Variants in SCN2A observed in about 807,000 individuals in gnomAD.
The protein encoded by SCN2A is sodium channel protein type 2 subunit alpha.
SCN2A carries 20 observed loss-of-function variants against 188.7 expected under a neutral mutation model. The observed-to-expected ratio is 0.11, with a 90% CI of 0.07 to 0.15. The LOEUF is 0.15. Among genes scored for constraint, SCN2A ranks in the 10% least tolerant of loss-of-function variants. The probability of loss-of-function intolerance (pLI) is 1.00; values close to 1 mark genes in which losing one functional copy is unlikely to be tolerated. For missense variants in SCN2A, 1,278 were observed against 2,445.0 expected (o/e 0.52, Z 10.07); for synonymous variants, 804 against 833.1 (o/e 0.97, Z 0.60).
intron 1 of SCN2A, among the ~76,000 whole-genome samples, chr2:165,253,859 T>A (rs1694201140): frequency 6.6e-6 from 1 of 152,046 alleles, no homozygotes; most frequent in Non-Finnish European, 1.5e-5. Flanking sequence ...GTACATAATT[T>A]TGTCTGAAAA....
intron 3 of SCN2A, among the ~76,000 whole-genome samples, chr2:165,300,580 G>A (rs896333935): frequency 6.6e-6 from 1 of 152,126 alleles, no homozygotes; most frequent in African/African-American, 2.4e-5. Flanking sequence ...GGGAATCTAG[G>A]GATAAAGTCA....
At chr2:165,370,404 A>G (rs1700964688) in intron 20 of SCN2A, 105 bp downstream of exon 20, 1 of 1,124,168 alleles carries the variant, frequency 8.9e-7, no homozygotes, top group African/African-American at 1.5e-5. Flanking sequence ...TATCAGCCCA[A>G]ATATAAATTA....
At chr2:165,320,112 C>A (rs2105269907) in intron 11 of SCN2A, 1 of 152,338 alleles carries the variant, frequency 6.6e-6, no homozygotes, top group Non-Finnish European at 1.5e-5. Flanking sequence ...CTAAATACAG[C>A]CATTCCAAAT....
chr2:165,311,453 A>G (rs186611280), intron 7 of SCN2A, among the ~76,000 whole-genome samples: 43 of 152,218 alleles, frequency 2.8e-4, no homozygotes, highest in African/African-American at 9.6e-4. Context: ...CAAAGAAACA[A>G]GTTTATTTTC....
In SCN2A at chr2:165,287,538, G is replaced by A. The variant is rs74741687; in HGVS notation, c.-51-8235G>A. On this transcript the variant is annotated intron_variant, in intron 1 of 26. Coordinates refer to ENST00000375437, the MANE Select transcript of SCN2A (RefSeq NM_001040142.2). ...TGTTTTTTTTTTTTAAGCCATTAGG[G>A]GACTGTCTTTACCTGGTGCTGGCTA... is the stretch of plus-strand genomic sequence containing the variant. 4.3e-3 allele frequency among the ~76,000 whole-genome samples: 657 copies of A among 151,716 alleles called. 8 individuals are homozygous for A. In the East Asian group the frequency reaches 0.059, roughly 14 times the overall value.
chr2:165,342,799 C>A (rs1344630473), intron 15 of SCN2A, among the ~76,000 whole-genome samples: 1 of 152,166 alleles, frequency 6.6e-6, no homozygotes, highest in African/African-American at 2.4e-5. Context: ...TAACTGCGTA[C>A]AAAGCTTCCT....
At position 165,354,605 on chromosome 2, in the gene SCN2A, A is replaced by G; in HGVS notation, c.3333A>G (p.Glu1111=). The change falls in exon 17 of 27, where the codon GAA becomes GAG. Residue 1111 remains glutamate (E), a synonymous_variant. Coordinates refer to ENST00000375437, the MANE Select transcript of SCN2A (RefSeq NM_001040142.2). ...TGACAGTACCAATTGCTGTTGGAGAATCTGACTTTGAAAATTTAAATACTG... is the reference window on the plus strand; with the variant it reads ...TGACAGTACCAATTGCTGTTGGAGAGTCTGACTTTGAAAATTTAAATACTG... ...LTVTVPIAVG[E]SDFENLNTEE... is the part of the protein sequence containing the mutation. 6.2e-7 allele frequency: 1 copy of G among 1,614,086 alleles called. No homozygotes were observed. The highest frequency in any genetic ancestry group is 1.1e-5 in the South Asian group (1 of 91,086).
At chr2:165,256,147 A>T (rs1694314867) in intron 1 of SCN2A, among the ~76,000 whole-genome samples, 1 of 151,802 alleles carries the variant, frequency 6.6e-6, no homozygotes, top group South Asian at 2.1e-4. Flanking sequence ...CTGGGACTAC[A>T]GGCACCTGCC....
chr2:165,342,606 C>T (rs1699374488), intron 15 of SCN2A, 137 bp downstream of exon 15: 2 of 886,060 alleles, frequency 2.3e-6, no homozygotes, highest in East Asian at 2.6e-5. Context: ...ATTGCCATAC[C>T]ACCAAATGGT....
At position 165,326,978 on chromosome 2, in the gene SCN2A, A is replaced by G. The variant is rs1490648646; in HGVS notation, c.2143A>G (p.Met715Val). ...MSIASILTNT[M>V]EELEESRQKC... ...TATAGCCAGTATTTTGACCAACACC[A>G]TGGAAGGTATGTTAAAAGTCCTGCG... is the stretch of plus-strand genomic sequence containing the variant. Residue 715 changes from methionine to valine, a missense_variant, in exon 13 of 27, where the codon ATG becomes GTG. Physicochemically the swap from Met to Val is conservative, Grantham distance 21. Transcript: ENST00000375437. 3 of 1,613,812 alleles carry G rather than the reference A, an allele frequency of 1.9e-6. No homozygotes were observed. Among genetic ancestry groups the G allele is most frequent in the African/African-American group, 1.3e-5 (1 of 74,924 alleles).
At chr2:165,352,493 T>C (rs1400981910) in intron 16 of SCN2A, among the ~76,000 whole-genome samples, 11 of 152,312 alleles carry the variant, frequency 7.2e-5, no homozygotes, top group African/African-American at 2.2e-4. Flanking sequence ...ATCCTTTTTA[T>C]TGAAGTTTTA....
At chr2:165,302,911 T>G (rs998308262) in intron 3 of SCN2A, among the ~76,000 whole-genome samples, 2 of 152,210 alleles carry the variant, frequency 1.3e-5, no homozygotes, top group Non-Finnish European at 2.9e-5. Context: ...ACTCGCAGGT[T>G]AGTATCAATC....
intron 1 of SCN2A, among the ~76,000 whole-genome samples, chr2:165,256,404 A>G (rs1253192735): frequency 3.3e-5 from 5 of 152,132 alleles, no homozygotes; most frequent in Non-Finnish European, 7.3e-5. Context: ...ATTCGTTGCA[A>G]CAACTGTGGT....
At chr2:165,274,281 T>C (rs908969816) in intron 1 of SCN2A, 1 of 150,968 alleles carries the variant, frequency 6.6e-6, no homozygotes, top group Non-Finnish European at 1.5e-5. Flanking sequence ...TTACTCCCAA[T>C]AATCTGAATT....
intron 1 of SCN2A, among the ~76,000 whole-genome samples, chr2:165,252,789 G>A (rs372525328): frequency 2.9e-4 from 44 of 151,960 alleles, no homozygotes; most frequent in East Asian, 1.5e-3. Flanking sequence ...GGGATTTAAG[G>A]GTGGTATGAT....
intron 1 of SCN2A, among the ~76,000 whole-genome samples, chr2:165,284,048 T>G (rs950603470): frequency 5.4e-5 from 8 of 148,954 alleles, no homozygotes; most frequent in Non-Finnish European, 1.0e-4. Flanking sequence ...TCTAGTTCTC[T>G]CTCTCTCTCT....
At chr2:165,274,716 C>T (rs1695258316) in intron 1 of SCN2A, among the ~76,000 whole-genome samples, 1 of 152,156 alleles carries the variant, frequency 6.6e-6, no homozygotes, top group African/African-American at 2.4e-5. Context: ...CAGTATTTTG[C>T]CTTGTCCACT....
At position 165,313,929 on chromosome 2, in the gene SCN2A, A is replaced by T; in HGVS notation, c.1204A>T (p.Met402Leu). 1 of 1,613,862 alleles carries T rather than the reference A, an allele frequency of 6.2e-7. No individual in the cohort carries two copies. Among genetic ancestry groups the T allele is most frequent in the South Asian group, 1.1e-5 (1 of 91,066 alleles). ...LTLRAAGKTY[M>L]IFFVLVIFLG... is the part of the protein sequence containing the mutation. ...ACTACGTGCTGCTGGGAAAACGTAC[A>T]TGATATTTTTTGTGCTGGTCATTTT... The change falls in exon 10 of 27, where the codon ATG becomes TTG. Residue 402 changes from methionine (M) to leucine (L), a missense_variant. Around this residue, in one of 17 missense-constraint regions of SCN2A, gnomAD observed 42 missense variants for 137.3 expected, o/e 0.31. Transcript: ENST00000375437.
intron 17 of SCN2A, among the ~76,000 whole-genome samples, chr2:165,363,553 T>A (rs925609985): frequency 2.0e-5 from 3 of 152,120 alleles, no homozygotes; most frequent in South Asian, 4.1e-4. Context: ...AGAAGATTTT[T>A]AAGTCATTTT....
Sources: allele counts gnomAD v4.1 joint callset (sites outside exome capture counted in the v4.1 genomes callset), GRCh38; gene constraint gnomAD v4.1.1; regional missense constraint gnomAD v4.1.1; transcripts MANE v1.5; gene names NCBI Gene and HGNC (gene_info 2026-07-23, HGNC 2026-07-21).